Variants in UNC13A observed in about 807,000 individuals in gnomAD.
UNC13A encodes the protein unc-13 homolog A, also known as protein unc-13 homolog A.
A neutral mutation model predicts 219.7 loss-of-function variants in UNC13A; 61 were observed. The ratio of observed to expected loss-of-function variants is 0.28; its 90% confidence interval spans 0.23 to 0.34. The LOEUF (loss-of-function observed/expected upper bound fraction) is 0.34, where lower values mean the gene tolerates loss of function less well. Ranked by LOEUF, UNC13A falls within the 10% of genes least tolerant of loss-of-function variation. The probability of loss-of-function intolerance (pLI) is 1.00; values close to 1 mark genes in which losing one functional copy is unlikely to be tolerated. For missense variants in UNC13A, 1,476 were observed against 2,270.3 expected (o/e 0.65, Z 7.11); for synonymous variants, 920 against 884.6 (o/e 1.04, Z -0.71).
intron 1 of UNC13A, among the ~76,000 whole-genome samples, chr19:17,686,599 G>A (rs1187046865): frequency 6.6e-6 from 1 of 151,906 alleles, no homozygotes; most frequent in African/African-American, 2.4e-5. Flanking sequence ...AACTCCATAG[G>A]CCTGGAGGCT....
chr19:17,606,080 C>A lies in UNC13A; in HGVS notation c.5086G>T (p.Glu1696Ter), dbSNP rs1439139900. Residue 1696 changes from glutamate to a stop codon, truncating the protein, a stop_gained, in exon 44 of 44, where the codon GAG (glutamate) becomes TAG (stop). Coordinates refer to ENST00000519716, the MANE Select transcript of UNC13A (RefSeq NM_001080421.3). LOFTEE classifies it high-confidence loss of function. ...TAAGGCGCAGGCGCGGCACCGCCCT[C>A]CTCGGCGGAGCGCGTGTCCGACTTG... ...KLKSDTRSAEEGGAAPAP is the reference protein window; with the variant it reads ...KLKSDTRSAE 2 of 1,587,018 alleles carry A rather than the reference C, an allele frequency of 1.3e-6. No individual in the cohort carries two copies. Among genetic ancestry groups the A allele is most frequent in the African/African-American group, 1.4e-5 (1 of 71,608 alleles).
At chr19:17,631,158 CCTCCCTCCCTCCCTCCCTCCT>C (rs1568513029) in intron 28 of UNC13A, among the ~76,000 whole-genome samples, 21 of 21,848 alleles carry the variant, frequency 9.6e-4, no homozygotes, top group Non-Finnish European at 1.5e-3. Context: ...TTGTTTTCTC[CCTCCCTCCCTCCCTCCCTCCT>C]TTCCTTCCTT....
chr19:17,627,829 T>C lies in UNC13A; in HGVS notation c.3831+34A>G, dbSNP rs993763131. 1 of 1,569,106 alleles carries C rather than the reference T, an allele frequency of 6.4e-7. No homozygotes were observed. The highest frequency in any genetic ancestry group is 8.7e-7 in the Non-Finnish European group (1 of 1,154,130). On this transcript the variant is annotated intron_variant, in intron 32 of 43. Transcript: ENST00000519716. The surrounding 1 kb of genome is among the most constrained non-coding windows in gnomAD (Gnocchi z 4.7). ...GGGACACAGTGGTGGGGGTGCCCCA[T>C]CCCTTCTCCAGCCCTGCCTCGGCCC...
At chr19:17,672,243 T>C (rs2079802986) in intron 4 of UNC13A, 135 bp downstream of exon 4, 2 of 721,462 alleles carry the variant, frequency 2.8e-6, no homozygotes, top group Non-Finnish European at 2.4e-6. Flanking sequence ...CTTTGGAAGG[T>C]TCGTGGCAAT....
At chr19:17,648,381 C>T in intron 16 of UNC13A, 50 bp downstream of exon 16, 6 of 1,453,510 alleles carry the variant, frequency 4.1e-6, no homozygotes, top group African/African-American at 1.4e-5. Context: ...ATGCAAGCCC[C>T]GGGGCTCCCC....
rs147528215 is a variant in UNC13A at position 17,687,704 on chromosome 19, C to T, written c.22+474G>A. The stretch of plus-strand genomic sequence containing the variant: ...TCTTACATCCCCACGGCTTGGAGAA[C>T]CCTCCCACCGCACTCTCCTTCGAAT... On this transcript the variant is annotated intron_variant, in intron 1 of 43. Coordinates refer to ENST00000519716, the MANE Select transcript of UNC13A (RefSeq NM_001080421.3). Among the ~76,000 whole-genome samples the T allele has an allele frequency of 5.6e-3, 845 of 152,104 alleles. 7 individuals are homozygous for T. The highest frequency in any genetic ancestry group is 0.019 in the African/African-American group (781 of 41,492).
Position 17,674,787 on chromosome 19 carries a change from G to T in UNC13A, c.53-31C>A. On this transcript the variant is annotated intron_variant, in intron 2 of 43. Coordinates refer to ENST00000519716, the MANE Select transcript of UNC13A (RefSeq NM_001080421.3). The surrounding 1 kb of genome is among the most constrained non-coding windows in gnomAD (Gnocchi z 5.0). ...GCAGTGAGAGTAGGGGTCAGCGCTGGGGCTCAGGGACTCTCCAATGCCCCT... is the reference window on the plus strand; with the variant it reads ...GCAGTGAGAGTAGGGGTCAGCGCTGTGGCTCAGGGACTCTCCAATGCCCCT... 1 of 1,581,020 alleles carries T rather than the reference G, an allele frequency of 6.3e-7. No homozygotes were observed.
chr19:17,679,506 G>C (rs936594023), intron 1 of UNC13A, among the ~76,000 whole-genome samples: 18 of 151,678 alleles, frequency 1.2e-4, no homozygotes, highest in African/African-American at 4.4e-4. Context: ...GAGGCAGTTG[G>C]GGGAGAAAAG....
In UNC13A at chr19:17,674,825, G is replaced by T; in HGVS notation, c.53-69C>A. On this transcript the variant is annotated intron_variant, in intron 2 of 43. Coordinates refer to ENST00000519716, the MANE Select transcript of UNC13A (RefSeq NM_001080421.3). This position sits in a 1 kb window ranked among gnomAD's most constrained non-coding sequence, Gnocchi z 5.0. ...CTCCAATGCCCCTTCCCAAGCTCTA[G>T]ACCATCTGCTGTGATCCCCTCAGGA... The T allele has an allele frequency of 7.4e-7, 1 of 1,347,592 alleles. No individual in the cohort carries two copies. Among genetic ancestry groups the T allele is most frequent in the South Asian group, 1.2e-5 (1 of 85,010 alleles). The allele number at this position is 1,347,592 out of a possible 1,614,324, so 83.5% of individuals were successfully genotyped here. A position where few individuals can be genotyped will look rare whatever the true frequency, so the allele number is the denominator to read the frequency against.
chr19:17,655,157 G>C, intron 11 of UNC13A, 117 bp downstream of exon 11: 1 of 821,516 alleles, frequency 1.2e-6, no homozygotes, highest in Admixed American at 2.0e-5. Flanking sequence ...GCTTGGGTAC[G>C]GGTGGGGTGT....
intron 28 of UNC13A, among the ~76,000 whole-genome samples, chr19:17,631,181 TCCTTCCTTCCCTCCCTCCCTC>T (rs1204055528): frequency 8.8e-5 from 1 of 11,316 alleles, no homozygotes; most frequent in Admixed American, 3.7e-4. Flanking sequence ...CTCCCTCCTT[TCCTTCCTTCCCTCCCTCCCTC>T]CCTTCCTTCC....
At chr19:17,684,015 G>C (rs2080066394) in intron 1 of UNC13A, among the ~76,000 whole-genome samples, 1 of 152,192 alleles carries the variant, frequency 6.6e-6, no homozygotes, top group Non-Finnish European at 1.5e-5. Flanking sequence ...AGGATCACTT[G>C]AGCCCTGGAG....
In UNC13A at chr19:17,632,769, G is replaced by A; in HGVS notation, c.3428+13C>T. ...AGTTCTGGCTTGGGTTGGGCCTGGGGCAGGGGACTTACGCAGGGTACTCAG... is the reference window on the plus strand; with the variant it reads ...AGTTCTGGCTTGGGTTGGGCCTGGGACAGGGGACTTACGCAGGGTACTCAG... On this transcript the variant is annotated intron_variant, in intron 28 of 43. Coordinates refer to ENST00000519716, the MANE Select transcript of UNC13A (RefSeq NM_001080421.3). The A allele has an allele frequency of 6.2e-7, 1 of 1,613,530 alleles. No individual in the cohort carries two copies. The highest frequency in any genetic ancestry group is 1.1e-5 in the South Asian group (1 of 91,060).
In UNC13A at chr19:17,656,109, C is replaced by T. The variant is rs2079447442; in HGVS notation, c.1057G>A (p.Asp353Asn). 1 of 1,552,630 alleles carries T rather than the reference C, an allele frequency of 6.4e-7. No homozygotes were observed. The highest frequency in any genetic ancestry group is 8.7e-7 in the Non-Finnish European group (1 of 1,147,340). ...ELEEEEEEVP[D>N]DLGSYAQRED... ...CGCTGGGCATAGCTGCCCAAATCGTCAGGCACCTCCTCCTCCTCCTCCTCC... is the reference window on the plus strand; with the variant it reads ...CGCTGGGCATAGCTGCCCAAATCGTTAGGCACCTCCTCCTCCTCCTCCTCC... Residue 353 changes from aspartate to asparagine, a missense_variant, in exon 10 of 44, where the codon GAC becomes AAC. By Grantham distance (23) the Asp-to-Asn change is conservative (BLOSUM62 1). This residue lies in a region of UNC13A where 351 missense variants were observed against 342.6 expected (regional missense o/e 1.02). Transcript: ENST00000519716.
chr19:17,609,517 C>T (rs573566347), intron 43 of UNC13A, among the ~76,000 whole-genome samples: 65 of 152,054 alleles, frequency 4.3e-4, no homozygotes, highest in Non-Finnish European at 8.4e-4. Flanking sequence ...TAGTCCCCAC[C>T]CCCATGCAAC....
intron 27 of UNC13A, 97 bp downstream of exon 27, chr19:17,633,011 A>G (rs2076873567): frequency 3.1e-6 from 5 of 1,607,580 alleles, no homozygotes; most frequent in Non-Finnish European, 4.3e-6. Context: ...CAACTCAGGC[A>G]TGAGGGTATT....
chr19:17,619,014 C>T (rs2076698307), intron 38 of UNC13A, 52 bp from the exon 39 acceptor site: 1 of 1,560,332 alleles, frequency 6.4e-7, no homozygotes, highest in Non-Finnish European at 8.8e-7. Context: ...ACAGCTGACA[C>T]TCCAGCCCCA....
At chr19:17,631,118 C>T (rs1432834261) in intron 28 of UNC13A, among the ~76,000 whole-genome samples, 1 of 127,208 alleles carries the variant, frequency 7.9e-6, no homozygotes, top group African/African-American at 2.9e-5. Context: ...GATAAACTGC[C>T]CATGGCAAGT....
At chr19:17,620,266 G>A (rs149281508) in intron 38 of UNC13A, among the ~76,000 whole-genome samples, 82 of 152,164 alleles carry the variant, frequency 5.4e-4, no homozygotes, top group Middle Eastern at 3.4e-3. Context: ...GTGGGGAGGG[G>A]GCCCATTTAC....
Sources: gnomAD v4.1 joint callset for allele counts (sites outside exome capture counted in the v4.1 genomes callset) on GRCh38, gnomAD v4.1.1 for gene constraint, gnomAD v4.1.1 regional missense constraint, Gnocchi (gnomAD v3.1) non-coding constraint, MANE v1.5 for transcripts, NCBI Gene and HGNC (gene_info 2026-07-23, HGNC 2026-07-21) for gene names.